The following HECW1 variants were observed in gnomAD, a reference collection of about 807,000 sequenced individuals.
The protein encoded by HECW1 is HECT, C2 and WW domain containing E3 ubiquitin protein ligase 1.
In HECW1, 61 loss-of-function variants were observed where a neutral mutation model predicts 182.3. That is an observed-to-expected ratio of 0.33 (90% CI 0.27 to 0.41). HECW1 has a LOEUF of 0.41. Among genes scored for constraint, HECW1 ranks in the 10% least tolerant of loss-of-function variants. HECW1 has a pLI of 1.00. For synonymous variants in HECW1, 859 were observed against 832.6 expected (o/e 1.03, Z -0.55); for missense variants, 1,739 against 2,108.9 (o/e 0.82, Z 3.44).
intron 6 of HECW1, among the ~76,000 whole-genome samples, chr7:43,395,390 C>T (rs1024986821): frequency 6.6e-6 from 1 of 152,220 alleles, no homozygotes; most frequent in African/African-American, 2.4e-5. Flanking sequence ...ATCCCTTTCA[C>T]TGTCTCAGCC....
chr7:43,319,601 CTTTTTT>C (rs796502195), intron 4 of HECW1, among the ~76,000 whole-genome samples: 94 of 47,456 alleles, frequency 2.0e-3, no homozygotes, highest in Admixed American at 4.6e-3. Flanking sequence ...CTTTTCTTTT[CTTTTTT>C]TTTTTTTTTT....
chr7:43,499,476 AAAG>A (rs1388616003), intron 19 of HECW1, among the ~76,000 whole-genome samples: 2 of 150,146 alleles, frequency 1.3e-5, no homozygotes, highest in Non-Finnish European at 3.0e-5. Context: ...CTCAAAAAAA[AAAG>A]AAAGAAAGAA....
intron 3 of HECW1, among the ~76,000 whole-genome samples, chr7:43,268,900 T>C (rs1443950746): frequency 6.6e-6 from 1 of 152,120 alleles, no homozygotes; most frequent in African/African-American, 2.4e-5. Context: ...GCCTCCTGAG[T>C]AGCTACTGGG....
intron 2 of HECW1, among the ~76,000 whole-genome samples, chr7:43,164,447 A>G (rs1790883310): frequency 6.6e-6 from 1 of 152,214 alleles, no homozygotes; most frequent in Non-Finnish European, 1.5e-5. Context: ...TGGGAAATCA[A>G]GAAGGCACCA....
chr7:43,282,228 A>C (rs1337370325), intron 3 of HECW1, among the ~76,000 whole-genome samples: 1 of 152,232 alleles, frequency 6.6e-6, no homozygotes, highest in Non-Finnish European at 1.5e-5. Context: ...AACCCAGTTC[A>C]GTGGCTGGTG....
At chr7:43,497,009 G>T (rs1325725981) in intron 19 of HECW1, among the ~76,000 whole-genome samples, 1 of 152,094 alleles carries the variant, frequency 6.6e-6, no homozygotes, top group East Asian at 1.9e-4. Context: ...GACAAGCTTG[G>T]GGTTTGTTTT....
chr7:43,287,599 A>G (rs760661320), intron 3 of HECW1, among the ~76,000 whole-genome samples: 2 of 152,140 alleles, frequency 1.3e-5, no homozygotes, highest in Non-Finnish European at 2.9e-5. Flanking sequence ...CAGCCTCCCA[A>G]TGTGCTGGGA....
chr7:43,494,526 CAG>C (rs755333760), intron 19 of HECW1, among the ~76,000 whole-genome samples: 1 of 147,420 alleles, frequency 6.8e-6, no homozygotes, highest in South Asian at 2.1e-4. Context: ...TTTTTTGAGA[CAG>C]AGTCTTGCTC....
chr7:43,257,121 G>T (rs951343865), intron 3 of HECW1, among the ~76,000 whole-genome samples: 1 of 152,094 alleles, frequency 6.6e-6, no homozygotes, highest in African/African-American at 2.4e-5. Context: ...AAGGGCTGTG[G>T]GGCCACCCGA....
At chr7:43,216,188 C>G (rs1217365396) in intron 2 of HECW1, among the ~76,000 whole-genome samples, 2 of 152,120 alleles carry the variant, frequency 1.3e-5, no homozygotes, top group Non-Finnish European at 1.5e-5. Context: ...CTCTGTCACC[C>G]AGGCTGGAGT....
chr7:43,456,457 C>T lies in HECW1; in HGVS notation c.2651+10C>T, dbSNP rs1251168861. The T allele has an allele frequency of 6.2e-7, 1 of 1,612,804 alleles. No individual in the cohort carries two copies. Among genetic ancestry groups the T allele is most frequent in the Admixed American group, 1.7e-5 (1 of 59,916 alleles). ...AGCAACTCAACAGGCGGTTGGTGAT[C>T]AGTATGCAATGAGCTCCCCTAAACC... On this transcript the variant is annotated intron_variant, in intron 13 of 29. Coordinates refer to ENST00000395891, the MANE Select transcript of HECW1 (RefSeq NM_015052.5).
At chr7:43,360,619 C>G (rs569879578) in intron 5 of HECW1, among the ~76,000 whole-genome samples, 1 of 152,182 alleles carries the variant, frequency 6.6e-6, no homozygotes, top group Non-Finnish European at 1.5e-5. Flanking sequence ...TCAATGACCT[C>G]TAATGGGGTA....
chr7:43,124,973 T>C (rs1445281326), intron 2 of HECW1, among the ~76,000 whole-genome samples: 1 of 152,160 alleles, frequency 6.6e-6, no homozygotes, highest in African/African-American at 2.4e-5. Flanking sequence ...CCAAATACCA[T>C]AGACTGAGTG....
chr7:43,442,352 G>A (rs930543252), intron 9 of HECW1, among the ~76,000 whole-genome samples, 177 bp from the exon 10 acceptor site: 5 of 152,198 alleles, frequency 3.3e-5, no homozygotes, highest in African/African-American at 4.8e-5. Context: ...ATAATCCATG[G>A]TAGTTCAAGG....
intron 3 of HECW1, 96 bp from the exon 4 acceptor site, chr7:43,311,667 C>A (rs753247264): frequency 8.2e-6 from 9 of 1,095,108 alleles, no homozygotes; most frequent in Non-Finnish European, 4.2e-6. Context: ...TCACTCACAG[C>A]GCGTGTCTCC....
chr7:43,313,960 T>C (rs574196219), intron 4 of HECW1, among the ~76,000 whole-genome samples: 1 of 152,160 alleles, frequency 6.6e-6, no homozygotes, highest in South Asian at 2.1e-4. Context: ...TTGGTTTGGT[T>C]TTGGTTTTGG....
At chr7:43,463,928 G>A (rs1429887024) in intron 14 of HECW1, 129 bp downstream of exon 14, 4 of 1,006,504 alleles carry the variant, frequency 4.0e-6, no homozygotes, top group African/African-American at 3.2e-5. Context: ...AGTCCAGGGT[G>A]GAGGACAGAG....
intron 2 of HECW1, among the ~76,000 whole-genome samples, chr7:43,142,294 T>C (rs1788236482): frequency 6.6e-6 from 1 of 152,148 alleles, no homozygotes; most frequent in Non-Finnish European, 1.5e-5. Flanking sequence ...TTGCCTAAAA[T>C]CAGCACTTTT....
At chr7:43,326,346 C>T (rs1270939657) in intron 5 of HECW1, among the ~76,000 whole-genome samples, 1 of 152,246 alleles carries the variant, frequency 6.6e-6, no homozygotes, top group African/African-American at 2.4e-5. Context: ...GGATCTGCCT[C>T]CTCACTCTGG....
Sources: gnomAD v4.1 joint callset for allele counts (sites outside exome capture counted in the v4.1 genomes callset) on GRCh38, gnomAD v4.1.1 for gene constraint, MANE v1.5 for transcripts, NCBI Gene and HGNC (gene_info 2026-07-23, HGNC 2026-07-21) for gene names.